The following GPN1 variants were observed in gnomAD, a reference collection of about 807,000 sequenced individuals.
GPN1 encodes ATP(GTP)-binding protein.
A neutral mutation model predicts 55.9 loss-of-function variants in GPN1; 44 were observed. The observed-to-expected ratio is 0.79, with a 90% CI of 0.62 to 1.01. The LOEUF (loss-of-function observed/expected upper bound fraction) is 1.01, where lower values mean the gene tolerates loss of function less well. Among genes scored for constraint, GPN1 ranks in the 50% least tolerant of loss-of-function variants. The pLI, the probability that GPN1 is intolerant of heterozygous loss-of-function variation, is 0.00. For missense variants in GPN1, 466 were observed against 462.8 expected, an observed-to-expected ratio of 1.01 and a Z score of -0.06; for synonymous variants, 179 against 162.5, an observed-to-expected ratio of 1.10 and a Z score of -0.77.
intron 5 of GPN1, among the ~76,000 whole-genome samples, chr2:27,633,926 G>A (rs2384659): frequency 0.51 from 77,974 of 151,708 alleles, 20,629 homozygotes; most frequent in East Asian, 0.88. Flanking sequence ...TTGTCATCCT[G>A]AAAAGAAACC....
At chr2:27,628,764 C>G (rs1347720141), upstream of GPN1, 7 of 1,535,272 alleles carry the variant, frequency 4.6e-6, no homozygotes, top group Non-Finnish European at 5.3e-6. Context: ...GGGACCCCAT[C>G]TCTTCTGGCC....
In GPN1 at chr2:27,638,907, T is replaced by G; in HGVS notation, c.593T>G (p.Phe198Cys). 6.2e-7 allele frequency: 1 copy of G among 1,613,808 alleles called. No individual in the cohort carries two copies. Among genetic ancestry groups the G allele is most frequent in the Non-Finnish European group, 8.5e-7 (1 of 1,179,760 alleles). Residue 198 changes from phenylalanine to cysteine, a missense_variant, in exon 9 of 14, where the codon TTT becomes TGT. Transcript: ENST00000610189. ...CAGACTGACATCATTGACCACAGCT[T>G]TGCAGTGGAATGGATGCAGGATTTT... Reference protein sequence around the residue: ...MNKTDIIDHSFAVEWMQDFEA... With the variant: ...MNKTDIIDHSCAVEWMQDFEA...
chr2:27,639,128 C>T (rs897941178), intron 9 of GPN1, 97 bp downstream of exon 9: 1 of 978,168 alleles, frequency 1.0e-6, no homozygotes, highest in Non-Finnish European at 1.5e-6. Flanking sequence ...AAGCTTATTA[C>T]CTACTGAAAA....
chr2:27,638,264 ATTC>A lies in GPN1; in HGVS notation c.570+13_570+15del. 1 of 1,493,520 alleles carries A rather than the reference ATTC, an allele frequency of 6.7e-7. No homozygotes were observed. Among genetic ancestry groups the A allele is most frequent in the Non-Finnish European group, 9.3e-7 (1 of 1,070,162 alleles). The allele number at this position is 1,493,520 out of a possible 1,614,324, so 92.5% of individuals were successfully genotyped here. A position where few individuals can be genotyped will look rare whatever the true frequency, so the allele number is the denominator to read the frequency against. ...TTGTGGTCATGAATAAAGTAAGTGT[ATTC>A]TTCCTGTTGTGATTCACCATTTTTC... On this transcript the variant is annotated intron_variant, in intron 8 of 13. Coordinates refer to ENST00000610189, the MANE Select transcript of GPN1 (RefSeq NM_007266.4).
chr2:27,646,997 T>C (rs139730190), intron 12 of GPN1, among the ~76,000 whole-genome samples: 176 of 152,364 alleles, frequency 1.2e-3, no homozygotes, highest in African/African-American at 3.8e-3. Context: ...AGCTAACCTG[T>C]TGAAGGTTGG....
intron 1 of GPN1, 65 bp from the exon 2 acceptor site, chr2:27,629,794 A>C (rs1673461929): frequency 1.0e-5 from 9 of 876,308 alleles, no homozygotes; most frequent in Non-Finnish European, 1.8e-5. Flanking sequence ...TGGGTGTTAA[A>C]GGAATGGAAG....
intron 2 of GPN1, 27 bp downstream of exon 2, chr2:27,629,979 G>C (rs1481345956): frequency 1.6e-6 from 2 of 1,238,366 alleles, no homozygotes; most frequent in Admixed American, 3.4e-5. Context: ...CATAACTTGT[G>C]TGCAGTGCTT....
intron 13 of GPN1, 51 bp from the exon 14 acceptor site, chr2:27,650,063 TC>T (rs2148097825): frequency 2.1e-6 from 2 of 968,298 alleles, no homozygotes; most frequent in East Asian, 4.8e-5. Context: ...CGGGCTCTAA[TC>T]AGTTTGTCTA....
Position 27,640,119 on chromosome 2 carries a change from A to G in GPN1, c.794A>G (p.Tyr265Cys), listed in dbSNP as rs1158954031. 4 of 1,601,224 alleles carry G rather than the reference A, an allele frequency of 2.5e-6. No homozygotes were observed. Among genetic ancestry groups the G allele is most frequent in the Non-Finnish European group, 3.4e-6 (4 of 1,168,200 alleles). The change falls in exon 10 of 14, where the codon TAT becomes TGT. Residue 265 changes from tyrosine to cysteine, a missense_variant. By Grantham distance (194) the Tyr-to-Cys change is radical (BLOSUM62 -2). Coordinates refer to ENST00000610189, the MANE Select transcript of GPN1 (RefSeq NM_007266.4). ...FVQVTSAAEE[Y>C]EREYRPEYER... ...CAAGTTACCAGTGCTGCCGAAGAATATGAAAGGTGAGGATAAAGGAAAATT... is the reference window on the plus strand; with the variant it reads ...CAAGTTACCAGTGCTGCCGAAGAATGTGAAAGGTGAGGATAAAGGAAAATT...
At chr2:27,634,537 C>T (rs1185959637) in intron 5 of GPN1, among the ~76,000 whole-genome samples, 1 of 152,198 alleles carries the variant, frequency 6.6e-6, no homozygotes, top group South Asian at 2.1e-4. Flanking sequence ...CAGATGTTTC[C>T]CAAGAGATTT....
intron 12 of GPN1, among the ~76,000 whole-genome samples, 193 bp downstream of exon 12, chr2:27,642,712 G>A (rs1182429789): frequency 6.6e-6 from 1 of 151,980 alleles, no homozygotes; most frequent in Non-Finnish European, 1.5e-5. Flanking sequence ...TTACAGGCAT[G>A]TGCCACCACA....
At chr2:27,647,445 C>T (rs1032388442) in intron 12 of GPN1, among the ~76,000 whole-genome samples, 5 of 152,204 alleles carry the variant, frequency 3.3e-5, no homozygotes, top group Admixed American at 3.3e-4. Context: ...CACCAGGAGG[C>T]TTCCTTAGCA....
At chr2:27,641,125 A>G in intron 10 of GPN1, 115 bp from the exon 11 acceptor site, 1 of 702,672 alleles carries the variant, frequency 1.4e-6, no homozygotes, top group East Asian at 2.7e-5. Flanking sequence ...CTGATGTTGA[A>G]TGAAGTCAGA....
chr2:27,649,268 C>CAAAA (rs996492260), intron 13 of GPN1, among the ~76,000 whole-genome samples: 4 of 150,398 alleles, frequency 2.7e-5, no homozygotes, highest in East Asian at 2.0e-4. Context: ...AACAAACAAA[C>CAAAA]AAAAAAACAC....
intron 1 of GPN1, 48 bp downstream of exon 1, chr2:27,629,217 C>G: frequency 6.3e-7 from 1 of 1,595,514 alleles, no homozygotes; most frequent in Non-Finnish European, 8.6e-7. Context: ...AAGGTTGCCT[C>G]CGGCAGGCGG....
chr2:27,647,932 T>C lies in GPN1; in HGVS notation c.1028T>C (p.Ile343Thr), dbSNP rs768171127. Reference sequence around the variant, plus strand: ...GAAGCAGACAGCGATACTGATGACATTGACCACAGAGGTGAGAGGTGGCTG... The same window carrying C: ...GAAGCAGACAGCGATACTGATGACACTGACCACAGAGGTGAGAGGTGGCTG... ...DEEADSDTDD[I>T]DHRVTEESHE... Residue 343 changes from isoleucine (I) to threonine (T), a missense_variant, in exon 13 of 14, where the codon ATT becomes ACT. Coordinates refer to ENST00000610189, the MANE Select transcript of GPN1 (RefSeq NM_007266.4). 12 of 1,603,428 alleles carry C rather than the reference T, an allele frequency of 7.5e-6. No individual in the cohort carries two copies. The highest frequency in any genetic ancestry group is 1.7e-4 in the Middle Eastern group (1 of 6,060).
At chr2:27,628,667 G>C, upstream of GPN1, 1 of 1,551,586 alleles carries the variant, frequency 6.4e-7, no homozygotes, top group Non-Finnish European at 8.7e-7. Context: ...CGAGCAGCCG[G>C]TCCTCCAGTG....
chr2:27,641,584 G>A (rs1329013832), intron 11 of GPN1, among the ~76,000 whole-genome samples: 1 of 152,000 alleles, frequency 6.6e-6, no homozygotes, highest in Non-Finnish European at 1.5e-5. Flanking sequence ...GAGTGTAGTG[G>A]TGCTTCACAA....
intron 2 of GPN1, among the ~76,000 whole-genome samples, chr2:27,630,365 T>C (rs995817328): frequency 6.6e-5 from 10 of 151,384 alleles, no homozygotes; most frequent in Non-Finnish European, 7.4e-5. Flanking sequence ...TTGGATTTGC[T>C]TGCATTCCTA....
Sources: allele counts gnomAD v4.1 joint callset (sites outside exome capture counted in the v4.1 genomes callset), GRCh38; gene constraint gnomAD v4.1.1; transcripts MANE v1.5; gene names NCBI Gene and HGNC (gene_info 2026-07-23, HGNC 2026-07-21).